Variants in SLA2 observed in about 807,000 individuals in gnomAD.
The protein encoded by SLA2 is Src like adaptor 2.
Under a neutral mutation model 27.3 loss-of-function variants are expected in SLA2, and 22 were observed. The ratio of observed to expected loss-of-function variants is 0.81; its 90% CI spans 0.58 to 1.15. The LOEUF (loss-of-function observed/expected upper bound fraction) is 1.15, where lower values mean the gene tolerates loss of function less well. SLA2 is among the 50% of genes most tolerant of loss of function. The probability of loss-of-function intolerance (pLI) is 0.00; values close to 1 mark genes in which losing one functional copy is unlikely to be tolerated. For missense variants in SLA2, 304 were observed against 322.2 expected (o/e 0.94, Z 0.43); for synonymous variants, 131 against 137.8 (o/e 0.95, Z 0.34).
chr20:36,632,873 G>A (rs1489639541), intron 4 of SLA2, among the ~76,000 whole-genome samples, 175 bp from the exon 5 acceptor site: 1 of 152,046 alleles, frequency 6.6e-6, no homozygotes, highest in Non-Finnish European at 1.5e-5. Flanking sequence ...TGCCATTTTT[G>A]TCCTCCCAGT....
At chr20:36,634,428 C>A in intron 3 of SLA2, 62 bp downstream of exon 3, 1 of 1,273,582 alleles carries the variant, frequency 7.9e-7, no homozygotes. Context: ...GCGCTACAGG[C>A]ACACACCACC....
At chr20:36,644,863 A>C (rs983631796) in intron 1 of SLA2, among the ~76,000 whole-genome samples, 4 of 125,988 alleles carry the variant, frequency 3.2e-5, no homozygotes, top group African/African-American at 1.2e-4. Flanking sequence ...TGCCCAGAAT[A>C]TTGTGTTTTT....
intron 1 of SLA2, among the ~76,000 whole-genome samples, chr20:36,644,868 GTTTT>G (rs3066378): frequency 3.7e-5 from 3 of 80,646 alleles, no homozygotes; most frequent in African/African-American, 5.1e-5. Context: ...AGAATATTGT[GTTTT>G]TTTTTTTTTT....
At chr20:36,634,425 A>G (rs1447196460) in intron 3 of SLA2, 65 bp downstream of exon 3, 2 of 1,242,914 alleles carry the variant, frequency 1.6e-6, no homozygotes, top group Non-Finnish European at 2.3e-6. Flanking sequence ...CTAGCGCTAC[A>G]GGCACACACC....
At position 36,638,017 on chromosome 20, in the gene SLA2, G is replaced by A. The variant is rs145570235; in HGVS notation, c.91+3228C>T. Among the ~76,000 whole-genome samples the A allele has an allele frequency of 6.1e-3, 907 of 148,436 alleles. 7 individuals are homozygous for A. The highest frequency in any genetic ancestry group is 0.02 in the African/African-American group (815 of 40,372). On this transcript the variant is annotated intron_variant, in intron 2 of 7. Transcript: ENST00000262866. ...AGTGATTCTCCTGCCTCAGCCTCCC[G>A]AGTAGGTGGGATTACAGGCACCCAC...
chr20:36,633,727 T>C lies in SLA2; in HGVS notation c.192-98A>G, dbSNP rs555827325. On this transcript the variant is annotated intron_variant, in intron 3 of 7. Coordinates refer to ENST00000262866, the MANE Select transcript of SLA2 (RefSeq NM_032214.4). ...GCAAGGACCCTCTCAGGCTGGATCC[T>C]GTGGCCACCTGTCCTGCCTGTTTCC... is the stretch of plus-strand genomic sequence containing the variant. 2.5e-5 allele frequency: 23 copies of C among 926,966 alleles called. No individual in the cohort carries two copies. In the African/African-American group the frequency reaches 3.7e-4, roughly 15 times the overall value. 57.4% of individuals were successfully genotyped at this position (926,966 alleles called of 1,614,324 possible).
chr20:36,645,166 C>A (rs1161471926), intron 1 of SLA2, among the ~76,000 whole-genome samples: 1 of 139,740 alleles, frequency 7.2e-6, no homozygotes, highest in East Asian at 2.1e-4. Flanking sequence ...ATAGTGAGAA[C>A]CCCCACCCCC....
At chr20:36,614,010 G>A in intron 7 of SLA2, 24 bp from the exon 8 acceptor site, 1 of 1,612,284 alleles carries the variant, frequency 6.2e-7, no homozygotes, top group Non-Finnish European at 8.5e-7. Flanking sequence ...AAGATAATTG[G>A]GTCAAGAAGC....
Position 36,612,383 on chromosome 20 carries a change from TTCC to T in SLA2, c.*1480_*1482del. On this transcript the variant is annotated 3_prime_UTR_variant, in exon 8 of 8. Coordinates refer to ENST00000262866, the MANE Select transcript of SLA2 (RefSeq NM_032214.4). ...GATTCAGATGAAACATTAAATTGTCTTCCTCGATTCTCCATCGGGTGTAGAGTT... is the reference window on the plus strand; with the variant it reads ...GATTCAGATGAAACATTAAATTGTCTTCGATTCTCCATCGGGTGTAGAGTT... 1.5e-6 allele frequency: 1 copy of T among 686,388 alleles called. No homozygotes were observed. Among genetic ancestry groups the T allele is most frequent in the South Asian group, 1.8e-5 (1 of 55,238 alleles). 42.5% of individuals were successfully genotyped at this position (686,388 alleles called of 1,614,324 possible).
chr20:36,632,032 C>T (rs2039397750), intron 5 of SLA2, among the ~76,000 whole-genome samples: 1 of 152,188 alleles, frequency 6.6e-6, no homozygotes, highest in African/African-American at 2.4e-5. Flanking sequence ...TCCTCTACTT[C>T]TAAGCAGGTG....
chr20:36,624,622 G>A lies in SLA2; in HGVS notation c.382+7973C>T, dbSNP rs188214926. Among the ~76,000 whole-genome samples, 139 of 152,300 alleles carry A rather than the reference G, an allele frequency of 9.1e-4. 1 individual carries two copies. The highest frequency in any genetic ancestry group is 2.9e-3 in the African/African-American group (121 of 41,558). ...GAGTCTCTGTGATAAACACTCGGACGGAGCCACGATTACAAGCAGTTTTAA... is the reference window on the plus strand; with the variant it reads ...GAGTCTCTGTGATAAACACTCGGACAGAGCCACGATTACAAGCAGTTTTAA... On this transcript the variant is annotated intron_variant, in intron 5 of 7. Transcript: ENST00000262866.
intron 5 of SLA2, among the ~76,000 whole-genome samples, chr20:36,619,777 C>T (rs1486982812): frequency 2.9e-5 from 4 of 136,500 alleles, no homozygotes; most frequent in Non-Finnish European, 3.2e-5. Flanking sequence ...ACTACAGGTG[C>T]CTGTCACCAC....
chr20:36,623,287 A>AAC (rs1555792224), intron 5 of SLA2, among the ~76,000 whole-genome samples: 3 of 151,898 alleles, frequency 2.0e-5, no homozygotes, highest in South Asian at 4.2e-4. Flanking sequence ...AAAAAAAAAA[A>AAC]AAATCGACAG....
chr20:36,629,940 A>AC (rs2039377108), intron 5 of SLA2, among the ~76,000 whole-genome samples: 1 of 151,966 alleles, frequency 6.6e-6, no homozygotes, highest in Non-Finnish European at 1.5e-5. Context: ...CTGTCTCAAA[A>AC]AAAAAAAAAA....
At position 36,644,868 on chromosome 20, in the gene SLA2, GTTT is replaced by G. The variant is rs3066378; in HGVS notation, c.-44+966_-44+968del. Reference sequence around the variant, plus strand: ...ATGAGCACGCTGCCCAGAATATTGTGTTTTTTTTTTTTTTTTTTTTTTCAGTAT... The same window carrying G: ...ATGAGCACGCTGCCCAGAATATTGTGTTTTTTTTTTTTTTTTTTTCAGTAT... On this transcript the variant is annotated intron_variant, in intron 1 of 7. Transcript: ENST00000262866. Among the ~76,000 whole-genome samples, 537 of 80,658 alleles carry G rather than the reference GTTT, an allele frequency of 6.7e-3. 1 individual carries two copies. Among genetic ancestry groups the G allele is most frequent in the African/African-American group, 0.012 (232 of 19,692 alleles). 52.9% of individuals were successfully genotyped at this position (80,658 alleles called of 152,430 possible). A position where few individuals can be genotyped will look rare whatever the true frequency, so the allele number is the denominator to read the frequency against.
intron 5 of SLA2, chr20:36,620,511 G>A (rs185546383): frequency 7.8e-5 from 15 of 193,418 alleles, no homozygotes; most frequent in Non-Finnish European, 1.3e-4. Context: ...ATTTGCTTTT[G>A]TAACTTGATG....
intron 5 of SLA2, among the ~76,000 whole-genome samples, chr20:36,616,498 T>C (rs1459861370): frequency 1.3e-5 from 2 of 151,762 alleles, no homozygotes; most frequent in Admixed American, 1.3e-4. Flanking sequence ...CACGCCCGGC[T>C]AATTTTTTGT....
intron 1 of SLA2, among the ~76,000 whole-genome samples, chr20:36,645,575 G>A (rs1978287412): frequency 6.6e-6 from 1 of 152,152 alleles, no homozygotes; most frequent in African/African-American, 2.4e-5. Flanking sequence ...CACCTGAGAT[G>A]GGACTAGGAC....
intron 1 of SLA2, among the ~76,000 whole-genome samples, chr20:36,643,129 G>A (rs187521187): frequency 6.6e-6 from 1 of 152,334 alleles, no homozygotes; most frequent in East Asian, 1.9e-4. Flanking sequence ...CATTTAGTGA[G>A]GCATCACAGA....
Sources: gnomAD v4.1 joint callset for allele counts (sites outside exome capture counted in the v4.1 genomes callset) on GRCh38, gnomAD v4.1.1 for gene constraint, MANE v1.5 for transcripts, NCBI Gene and HGNC (gene_info 2026-07-23, HGNC 2026-07-21) for gene names.